Variants in MYO1B observed in about 807,000 individuals in gnomAD.
MYO1B encodes the protein myosin IB, also known as unconventional myosin-Ib.
MYO1B carries 72 observed loss-of-function variants against 159.7 expected under a neutral mutation model. The ratio of observed to expected loss-of-function variants is 0.45; its 90% CI spans 0.37 to 0.55. The LOEUF is 0.55. MYO1B is among the 20% of genes least tolerant of loss of function. The probability of loss-of-function intolerance (pLI) is 0.00; values close to 1 mark genes in which losing one functional copy is unlikely to be tolerated. For synonymous variants in MYO1B, 468 were observed against 473.8 expected (o/e 0.99, Z 0.16); for missense variants, 1,062 against 1,364.8 (o/e 0.78, Z 3.50).
chr2:191,263,272 T>G (rs1050340304), intron 1 of MYO1B: 1 of 971,844 alleles, frequency 1.0e-6, no homozygotes, highest in Non-Finnish European at 1.2e-6. Flanking sequence ...TGCAAAATAT[T>G]TGTTGTACTT....
At chr2:191,302,644 C>T (rs1311162410) in intron 3 of MYO1B, among the ~76,000 whole-genome samples, 7 of 152,202 alleles carry the variant, frequency 4.6e-5, no homozygotes, top group African/African-American at 1.7e-4. Flanking sequence ...AACAAGCCCT[C>T]TGGTGGTCAT....
At chr2:191,364,419 AC>A (rs1693866665) in intron 11 of MYO1B, 143 bp downstream of exon 11, 1 of 646,308 alleles carries the variant, frequency 1.5e-6, no homozygotes, top group Non-Finnish European at 2.7e-6. Context: ...AGTAAACTAA[AC>A]AGATAAGGAT....
At chr2:191,388,935 T>G (rs1454198137) in intron 17 of MYO1B, among the ~76,000 whole-genome samples, 1 of 152,224 alleles carries the variant, frequency 6.6e-6, no homozygotes, top group African/African-American at 2.4e-5. Context: ...ACCCCAAGGT[T>G]GTGAATATAT....
chr2:191,297,464 A>G (rs774155319), intron 3 of MYO1B, among the ~76,000 whole-genome samples: 1 of 152,218 alleles, frequency 6.6e-6, no homozygotes, highest in Non-Finnish European at 1.5e-5. Flanking sequence ...GAAGGTGTCA[A>G]GCATTCTACA....
chr2:191,410,192 G>A (rs185462332), intron 26 of MYO1B, among the ~76,000 whole-genome samples: 5 of 152,144 alleles, frequency 3.3e-5, no homozygotes, highest in African/African-American at 9.7e-5. Context: ...CATTGCTGGG[G>A]ATCTGCACCA....
intron 2 of MYO1B, among the ~76,000 whole-genome samples, chr2:191,295,905 T>C (rs756649701): frequency 1.7e-4 from 26 of 152,184 alleles, no homozygotes; most frequent in Admixed American, 7.9e-4. Flanking sequence ...TATAAATGTA[T>C]GCTTTCCATT....
At chr2:191,402,781 C>A in intron 24 of MYO1B, 63 bp downstream of exon 24, 1 of 1,273,264 alleles carries the variant, frequency 7.9e-7, no homozygotes, top group Non-Finnish European at 1.1e-6. Flanking sequence ...ACCTACTAAC[C>A]CTGAGAAAAT....
intron 3 of MYO1B, among the ~76,000 whole-genome samples, chr2:191,316,522 G>A (rs1441469889): frequency 1.3e-5 from 2 of 152,204 alleles, no homozygotes; most frequent in African/African-American, 2.4e-5. Context: ...GTGTGTGTAT[G>A]TGTGTGTTTT....
At chr2:191,362,232 G>A in intron 8 of MYO1B, 36 bp from the exon 9 acceptor site, 1 of 1,524,032 alleles carries the variant, frequency 6.6e-7, no homozygotes, top group Non-Finnish European at 9.1e-7. Flanking sequence ...TGGATTTATT[G>A]AAGCAACTTA....
chr2:191,299,080 G>A (rs763538268), intron 3 of MYO1B, among the ~76,000 whole-genome samples: 2 of 152,134 alleles, frequency 1.3e-5, no homozygotes, highest in Admixed American at 6.5e-5. Context: ...GGAATGTTTA[G>A]ATATATAATG....
intron 25 of MYO1B, among the ~76,000 whole-genome samples, chr2:191,408,501 A>G (rs1574634045): frequency 6.6e-6 from 1 of 152,302 alleles, no homozygotes; most frequent in African/African-American, 2.4e-5. Flanking sequence ...TGAAACTGCC[A>G]TGAGCTGTGG....
At chr2:191,280,604 C>T (rs1302062838) in intron 2 of MYO1B, among the ~76,000 whole-genome samples, 1 of 152,186 alleles carries the variant, frequency 6.6e-6, no homozygotes, top group Admixed American at 6.5e-5. Context: ...CCTTCTCAAA[C>T]CATTGACTGT....
chr2:191,413,560 GGCC>G (rs1697379091), intron 27 of MYO1B, among the ~76,000 whole-genome samples: 1 of 152,148 alleles, frequency 6.6e-6, no homozygotes, highest in Non-Finnish European at 1.5e-5. Flanking sequence ...TTTCCCAGAA[GGCC>G]TATTGATTTT....
intron 7 of MYO1B, chr2:191,350,463 T>A: frequency 3.4e-6 from 1 of 296,874 alleles, no homozygotes. Flanking sequence ...GCTAAATAAA[T>A]ATTTGCGCTA....
intron 17 of MYO1B, among the ~76,000 whole-genome samples, chr2:191,389,954 A>G (rs1181755886): frequency 1.3e-5 from 2 of 152,162 alleles, no homozygotes; most frequent in African/African-American, 4.8e-5. Context: ...ATTTTTAACC[A>G]TGGGTTAGTT....
chr2:191,345,648 T>C (rs1437620285), intron 5 of MYO1B, among the ~76,000 whole-genome samples: 1 of 152,252 alleles, frequency 6.6e-6, no homozygotes, highest in Non-Finnish European at 1.5e-5. Flanking sequence ...CTAGGTCTGA[T>C]GTGCATAAAC....
chr2:191,297,602 T>C (rs1249682840), intron 3 of MYO1B, among the ~76,000 whole-genome samples: 1 of 152,192 alleles, frequency 6.6e-6, no homozygotes, highest in East Asian at 1.9e-4. Context: ...TAAATACATG[T>C]GCATGTAGAT....
intron 2 of MYO1B, among the ~76,000 whole-genome samples, chr2:191,291,999 A>G (rs1043295392): frequency 2.0e-5 from 3 of 152,212 alleles, no homozygotes; most frequent in Admixed American, 1.3e-4. Flanking sequence ...CTACTGGCCC[A>G]TGTAGGAATA....
At chr2:191,411,529 GC>G (rs1697247289) in intron 27 of MYO1B, among the ~76,000 whole-genome samples, 1 of 152,088 alleles carries the variant, frequency 6.6e-6, no homozygotes, top group African/African-American at 2.4e-5. Flanking sequence ...ATTTCTGTTG[GC>G]AATATACTTT....
Sources: gnomAD v4.1 joint callset for allele counts (sites outside exome capture counted in the v4.1 genomes callset) on GRCh38, gnomAD v4.1.1 for gene constraint, MANE v1.5 for transcripts, NCBI Gene and HGNC (gene_info 2026-07-23, HGNC 2026-07-21) for gene names.